ZFPM2: variants seen among roughly 807,000 people sequenced by gnomAD.
The protein encoded by ZFPM2 is zinc finger protein, FOG family member 2, also known as zinc finger protein ZFPM2.
A neutral mutation model predicts 98.6 loss-of-function variants in ZFPM2; 20 were observed. That is an observed-to-expected ratio of 0.20 (90% CI 0.14 to 0.29). The LOEUF is 0.29. Ranked by LOEUF, ZFPM2 falls within the 10% of genes least tolerant of loss-of-function variation. The probability of loss-of-function intolerance (pLI) is 1.00; values close to 1 mark genes in which losing one functional copy is unlikely to be tolerated. For synonymous variants in ZFPM2, 518 were observed against 502.7 expected (o/e 1.03, Z -0.41); for missense variants, 1,310 against 1,388.6 (o/e 0.94, Z 0.90).
In ZFPM2 at chr8:105,419,381, C is replaced by A. The variant is rs1295444574; in HGVS notation, c.199+79C>A. 3 of 1,503,428 alleles carry A rather than the reference C, an allele frequency of 2.0e-6. No individual in the cohort carries two copies. In the East Asian group the frequency reaches 7.0e-5, roughly 35 times the overall value. 93.1% of individuals were successfully genotyped at this position (1,503,428 alleles called of 1,614,324 possible). ...TGTTTTAAAAAAATGCATAATAGTC[C>A]TCAGAGTGCTGACACATAATTCAGC... On this transcript the variant is annotated intron_variant, in intron 2 of 7. Transcript: ENST00000407775.
chr8:105,502,218 A>T (rs1164469827), intron 3 of ZFPM2, among the ~76,000 whole-genome samples: 13 of 152,130 alleles, frequency 8.5e-5, no homozygotes, highest in East Asian at 1.9e-4. Context: ...AGTTTTTTTT[A>T]AAATATATGA....
intron 5 of ZFPM2, among the ~76,000 whole-genome samples, chr8:105,749,802 G>A (rs1812435230): frequency 6.6e-6 from 1 of 151,922 alleles, no homozygotes; most frequent in South Asian, 2.1e-4. Flanking sequence ...AAGGAAGAGA[G>A]TGGAGGAAGG....
chr8:105,374,889 A>AT (rs201108334), intron 1 of ZFPM2, among the ~76,000 whole-genome samples: 15,202 of 147,490 alleles, frequency 0.1, 1,215 homozygotes, highest in East Asian at 0.5. Context: ...TAAAGACAAC[A>AT]TTTTTTTTTT....
chr8:105,531,307 G>T (rs536208728), intron 3 of ZFPM2, among the ~76,000 whole-genome samples: 2 of 152,250 alleles, frequency 1.3e-5, no homozygotes, highest in South Asian at 4.1e-4. Context: ...TTTTGGCAGG[G>T]TGATGTTCCC....
At position 105,398,990 on chromosome 8, in the gene ZFPM2, G is replaced by C. The variant is rs1002200828; in HGVS notation, c.41-20154G>C. 3.9e-5 allele frequency among the ~76,000 whole-genome samples: 6 copies of C among 152,158 alleles called. No homozygotes were observed. The East Asian group carries it at 1.2e-3, about 29-fold the overall frequency. On this transcript the variant is annotated intron_variant, in intron 1 of 7. Coordinates refer to ENST00000407775, the MANE Select transcript of ZFPM2 (RefSeq NM_012082.4). ...TGAACTGAGTCAGCAGAAGTGGAGT[G>C]TTCCAGGCAGAGGGAAGAGCAAGTG...
intron 4 of ZFPM2, among the ~76,000 whole-genome samples, chr8:105,561,870 G>A (rs1459571712): frequency 6.6e-6 from 1 of 151,998 alleles, no homozygotes; most frequent in African/African-American, 2.4e-5. Flanking sequence ...TTTTTCCTTG[G>A]TAATACTGTT....
chr8:105,372,514 A>G (rs181967318), intron 1 of ZFPM2, among the ~76,000 whole-genome samples: 2 of 152,264 alleles, frequency 1.3e-5, no homozygotes, highest in African/African-American at 4.8e-5. Flanking sequence ...CAAGTAAAAT[A>G]ATAATAATAT....
chr8:105,801,366 G>C lies in ZFPM2; in HGVS notation c.1284G>C (p.Gln428His). 2 of 1,613,922 alleles carry C rather than the reference G, an allele frequency of 1.2e-6. No individual in the cohort carries two copies. Among genetic ancestry groups the C allele is most frequent in the Middle Eastern group, 1.6e-4 (1 of 6,062 alleles). The change falls in exon 8 of 8, where the codon CAG becomes CAC. Residue 428 changes from glutamine to histidine, a missense_variant. Coordinates refer to ENST00000407775, the MANE Select transcript of ZFPM2 (RefSeq NM_012082.4). ...SELPQSQKAM[Q>H]TKDASSDTEL... is the part of the protein sequence containing the mutation. ...TTCCCCAGAGCCAAAAGGCCATGCA[G>C]ACTAAAGATGCGAGCTCTGACACAG...
rs1814114660 is a variant in ZFPM2, at chr8:105,803,583, T to C, written c.*45T>C. 1.3e-6 allele frequency: 2 copies of C among 1,547,792 alleles called. No individual in the cohort carries two copies. Among genetic ancestry groups the C allele is most frequent in the Non-Finnish European group, 1.8e-6 (2 of 1,139,562 alleles). ...CCTTTGGTATCAGTGTTTAGTATGT[T>C]GTTCTAACCAGTCCAGAAAAAAAAA... On this transcript the variant is annotated 3_prime_UTR_variant, in exon 8 of 8. Transcript: ENST00000407775.
At chr8:105,522,394 A>G (rs913300149) in intron 3 of ZFPM2, among the ~76,000 whole-genome samples, 4 of 152,234 alleles carry the variant, frequency 2.6e-5, no homozygotes, top group East Asian at 1.9e-4. Flanking sequence ...AACATAATAC[A>G]TCTTTGAAAA....
Position 105,328,273 on chromosome 8 carries a change from G to A in ZFPM2, c.40+9292G>A, listed in dbSNP as rs185134618. On this transcript the variant is annotated intron_variant, in intron 1 of 7. Coordinates refer to ENST00000407775, the MANE Select transcript of ZFPM2 (RefSeq NM_012082.4). ...TATATTGACAACATTACCTATTAAT[G>A]GAATGCTTATATTCATCATGAAGCT... Among the ~76,000 whole-genome samples the A allele has an allele frequency of 7.0e-4, 106 of 151,780 alleles. 1 individual carries two copies. Among genetic ancestry groups the A allele is most frequent in the Middle Eastern group, 3.4e-3 (1 of 294 alleles).
intron 5 of ZFPM2, among the ~76,000 whole-genome samples, chr8:105,649,557 C>G (rs905222438): frequency 2.2e-4 from 33 of 152,176 alleles, no homozygotes; most frequent in Admixed American, 2.1e-3. Flanking sequence ...TACGTCCCAT[C>G]AATACCTAAT....
intron 1 of ZFPM2, among the ~76,000 whole-genome samples, chr8:105,379,564 A>G (rs1052785300): frequency 4.3e-4 from 66 of 152,118 alleles, no homozygotes; most frequent in African/African-American, 1.6e-3. Context: ...GACCAGACTG[A>G]CCAACATGGT....
chr8:105,526,129 C>T (rs182554327), intron 3 of ZFPM2, among the ~76,000 whole-genome samples: 45 of 152,254 alleles, frequency 3.0e-4, no homozygotes, highest in African/African-American at 1.0e-3. Flanking sequence ...ACTTTCTTAT[C>T]ACAGTTAACT....
At chr8:105,753,091 C>T (rs1429759334) in intron 5 of ZFPM2, among the ~76,000 whole-genome samples, 2 of 152,086 alleles carry the variant, frequency 1.3e-5, no homozygotes, top group African/African-American at 4.8e-5. Flanking sequence ...CCAAAGGGGG[C>T]GTGCTCCTCT....
At chr8:105,469,383 C>G (rs962696788) in intron 3 of ZFPM2, among the ~76,000 whole-genome samples, 1 of 152,054 alleles carries the variant, frequency 6.6e-6, no homozygotes, top group African/African-American at 2.4e-5. Context: ...CCCTTTCTAT[C>G]TCTCAATCTC....
At chr8:105,551,185 C>T (rs1300511718) in intron 3 of ZFPM2, among the ~76,000 whole-genome samples, 2 of 152,070 alleles carry the variant, frequency 1.3e-5, no homozygotes, top group Non-Finnish European at 2.9e-5. Flanking sequence ...ATTGAAGATG[C>T]CACACTGTAA....
intron 5 of ZFPM2, among the ~76,000 whole-genome samples, chr8:105,727,189 G>C (rs557683010): frequency 2.0e-5 from 3 of 150,908 alleles, no homozygotes. Flanking sequence ...ATAATTGCTG[G>C]GTACAAGAGT....
intron 5 of ZFPM2, among the ~76,000 whole-genome samples, chr8:105,691,338 T>C (rs1810876310): frequency 8.1e-6 from 1 of 124,108 alleles, no homozygotes. Flanking sequence ...AAGCTCCGCT[T>C]CCCGGGTTCA....
Sources: gnomAD v4.1 joint callset for allele counts (sites outside exome capture counted in the v4.1 genomes callset) on GRCh38, gnomAD v4.1.1 for gene constraint, MANE v1.5 for transcripts, NCBI Gene and HGNC (gene_info 2026-07-23, HGNC 2026-07-21) for gene names.